The following CEP76 variants were observed in gnomAD, a reference collection of about 807,000 sequenced individuals.
CEP76 encodes the protein centrosomal protein of 76 kDa.
A neutral mutation model predicts 83.3 loss-of-function variants in CEP76; 55 were observed. The observed-to-expected ratio is 0.66, with a 90% CI of 0.53 to 0.83. The LOEUF (loss-of-function observed/expected upper bound fraction) is 0.83. Among genes scored for constraint, CEP76 ranks in the 40% least tolerant of loss-of-function variants. CEP76 has a pLI of 0.00. For missense variants in CEP76, 694 were observed against 799.5 expected (o/e 0.87, Z 1.59); for synonymous variants, 270 against 274.5 (o/e 0.98, Z 0.16).
intron 4 of CEP76, 73 bp downstream of exon 4, chr18:12,698,906 C>T: frequency 9.0e-7 from 1 of 1,105,752 alleles, no homozygotes; most frequent in Non-Finnish European, 1.3e-6. Context: ...CAGAAAAAGT[C>T]ATTATTATTG....
intron 9 of CEP76, among the ~76,000 whole-genome samples, chr18:12,679,470 C>A (rs2039270874): frequency 6.6e-6 from 1 of 152,154 alleles, no homozygotes; most frequent in Non-Finnish European, 1.5e-5. Flanking sequence ...TGTGGAGCGT[C>A]CGTTTCCCAG....
intron 12 of CEP76, among the ~76,000 whole-genome samples, chr18:12,663,690 G>C (rs1450436664): frequency 6.6e-6 from 1 of 152,160 alleles, no homozygotes; most frequent in Non-Finnish European, 1.5e-5. Context: ...AAAATTTTCA[G>C]ACTGAATCAC....
At chr18:12,689,992 T>C (rs1164486730) in intron 7 of CEP76, among the ~76,000 whole-genome samples, 1 of 152,240 alleles carries the variant, frequency 6.6e-6, no homozygotes, top group East Asian at 1.9e-4. Flanking sequence ...TTTCGCCATG[T>C]TGGCCAGGCT....
downstream of CEP76, among the ~76,000 whole-genome samples, chr18:12,671,654 T>TC (rs1342178153): frequency 1.5e-4 from 22 of 142,156 alleles, no homozygotes; most frequent in Non-Finnish European, 4.6e-5. Flanking sequence ...TTTTTTTTTT[T>TC]TTTTTTTTTT....
downstream of CEP76, among the ~76,000 whole-genome samples, chr18:12,668,597 C>CAAAAAAAAAAAAA (rs752216074): frequency 1.3e-3 from 93 of 72,818 alleles, 3 homozygotes; most frequent in Middle Eastern, 9.8e-3. Flanking sequence ...GATTCCATCT[C>CAAAAAAAAAAAAA]AAAAAAAAAA....
At chr18:12,664,581 C>T (rs1332232708) in intron 12 of CEP76, among the ~76,000 whole-genome samples, 2 of 151,894 alleles carry the variant, frequency 1.3e-5, no homozygotes, top group African/African-American at 2.4e-5. Flanking sequence ...GAAGGGGTCT[C>T]GGTCTGCTGC....
chr18:12,665,070 G>A (rs75854378), intron 12 of CEP76: 2 of 152,134 alleles, frequency 1.3e-5, no homozygotes, highest in East Asian at 3.9e-4. Flanking sequence ...TACAGGTAGA[G>A]GTCTAGAGCT....
chr18:12,691,496 T>G lies in CEP76; in HGVS notation c.805-9A>C. On this transcript the variant is annotated splice_polypyrimidine_tract_variant and intron_variant, in intron 6 of 11. Transcript: ENST00000262127. ...TGACGTTCCAAAGCAAGCTTGAAAT[T>G]GAAAAAAATATTTTTCAATTTCTAT... 6.4e-7 allele frequency: 1 copy of G among 1,573,404 alleles called. No individual in the cohort carries two copies. Among genetic ancestry groups the G allele is most frequent in the East Asian group, 2.2e-5 (1 of 44,474 alleles).
chr18:12,696,502 AAATAAT>A (rs35130356), intron 5 of CEP76, among the ~76,000 whole-genome samples: 8,239 of 151,310 alleles, frequency 0.054, 678 homozygotes, highest in African/African-American at 0.18. Flanking sequence ...ACTCCATCTC[AAATAAT>A]AATAATAATA....
chr18:12,666,641 G>T (rs2038809962), intron 12 of CEP76, among the ~76,000 whole-genome samples: 1 of 151,140 alleles, frequency 6.6e-6, no homozygotes, highest in South Asian at 2.1e-4. Context: ...GTAGAGACAG[G>T]GTTTCGCCAC....
chr18:12,695,470 T>C (rs904826256), intron 5 of CEP76, 119 bp from the exon 6 acceptor site: 20 of 483,438 alleles, frequency 4.1e-5, no homozygotes, highest in Middle Eastern at 5.5e-4. Flanking sequence ...GGAATAAAGA[T>C]AACATTCAAC....
chr18:12,688,059 T>G (rs549026215), intron 7 of CEP76, among the ~76,000 whole-genome samples: 1 of 151,460 alleles, frequency 6.6e-6, no homozygotes, highest in Non-Finnish European at 1.5e-5. Flanking sequence ...CTGGCTAACA[T>G]GGTGAAACCC....
At chr18:12,697,611 T>C (rs928194711) in intron 4 of CEP76, among the ~76,000 whole-genome samples, 1 of 152,234 alleles carries the variant, frequency 6.6e-6, no homozygotes, top group South Asian at 2.1e-4. Flanking sequence ...GACTGGCAAA[T>C]TGTGATGAGT....
chr18:12,702,564 C>T lies in CEP76; in HGVS notation c.-16G>A, dbSNP rs1349920676. 6.4e-7 allele frequency: 1 copy of T among 1,553,180 alleles called. No homozygotes were observed. Among genetic ancestry groups the T allele is most frequent in the Admixed American group, 1.9e-5 (1 of 52,364 alleles). On this transcript the variant is annotated 5_prime_UTR_variant, in exon 1 of 12. Coordinates refer to ENST00000262127, the MANE Select transcript of CEP76 (RefSeq NM_024899.4). ...GCAGCGACATGCTGGCAGCCGGCGT[C>T]TCCCCGCCGCTTCTCCCCGCCTCAG...
In CEP76 at chr18:12,680,706, TCCA is replaced by T; in HGVS notation, c.1242_1244del (p.Cys414_Gly415delinsTer). ...CCCAAAAAGTGATGGCCCCATCAGT[TCCA>T]CAAGTCATAACCCATGCATGAGGTA... On this transcript the variant is annotated stop_gained and inframe_deletion, in exon 9 of 12. Coordinates refer to ENST00000262127, the MANE Select transcript of CEP76 (RefSeq NM_024899.4). LOFTEE classifies it high-confidence loss of function. The T allele has an allele frequency of 6.2e-7, 1 of 1,613,564 alleles. No homozygotes were observed. The highest frequency in any genetic ancestry group is 1.1e-5 in the South Asian group (1 of 91,040).
At chr18:12,675,398 A>T (rs2039087402) in intron 10 of CEP76, among the ~76,000 whole-genome samples, 1 of 152,116 alleles carries the variant, frequency 6.6e-6, no homozygotes, top group African/African-American at 2.4e-5. Flanking sequence ...TCTGTCTCAA[A>T]AAAAATAAAT....
At chr18:12,680,895 T>C in intron 8 of CEP76, 67 bp from the exon 9 acceptor site, 2 of 1,348,896 alleles carry the variant, frequency 1.5e-6, no homozygotes, top group Admixed American at 4.5e-5. Context: ...ACTTAAATAC[T>C]AAATTATAAT....
chr18:12,665,926 A>G (rs1306914631), intron 12 of CEP76, among the ~76,000 whole-genome samples: 4 of 152,056 alleles, frequency 2.6e-5, no homozygotes, highest in African/African-American at 9.7e-5. Context: ...TGAACGCCTG[A>G]CCCCGTGATC....
chr18:12,702,487 T>C lies in CEP76; in HGVS notation c.62A>G (p.Lys21Arg). Residue 21 changes from lysine to arginine, a missense_variant and splice_region_variant, in exon 1 of 12, where the codon AAG becomes AGG. By Grantham distance (26) the Lys-to-Arg change is conservative. Coordinates refer to ENST00000262127, the MANE Select transcript of CEP76 (RefSeq NM_024899.4). ...TCTCCCAGCACCCGCGACTCTCACCTTGCTCAGCTGCTGGTGGATGAGCTG... is the reference window on the plus strand; with the variant it reads ...TCTCCCAGCACCCGCGACTCTCACCCTGCTCAGCTGCTGGTGGATGAGCTG... ...LKQLIHQQLSKMDVHGRIREI... is the reference protein window; with the variant it reads ...LKQLIHQQLSRMDVHGRIREI... The C allele has an allele frequency of 1.2e-6, 2 of 1,608,036 alleles. No homozygotes were observed. Among genetic ancestry groups the C allele is most frequent in the South Asian group, 1.1e-5 (1 of 90,284 alleles).
Sources: allele counts gnomAD v4.1 joint callset (sites outside exome capture counted in the v4.1 genomes callset), GRCh38; gene constraint gnomAD v4.1.1; transcripts MANE v1.5; gene names NCBI Gene and HGNC (gene_info 2026-07-23, HGNC 2026-07-21).